GABRG3: variants seen among roughly 807,000 people sequenced by gnomAD.
GABRG3 encodes gamma-aminobutyric acid type A receptor subunit gamma3, also known as gamma-aminobutyric acid receptor subunit gamma-3.
GABRG3 carries 25 observed loss-of-function variants against 48.8 expected under a neutral mutation model. The ratio of observed to expected loss-of-function variants is 0.51; its 90% confidence interval spans 0.37 to 0.72. The LOEUF is 0.72. Ranked by LOEUF, GABRG3 falls within the 30% of genes least tolerant of loss-of-function variation. The pLI, the probability that GABRG3 is intolerant of heterozygous loss-of-function variation, is 0.00. For missense variants in GABRG3, 394 were observed against 577.9 expected (o/e 0.68, Z 3.26); for synonymous variants, 227 against 217.6 (o/e 1.04, Z -0.38).
intron 5 of GABRG3, among the ~76,000 whole-genome samples, chr15:27,407,968 T>C (rs1319382968): frequency 6.6e-6 from 1 of 152,200 alleles, no homozygotes; most frequent in Non-Finnish European, 1.5e-5. Flanking sequence ...ACGGACTTTG[T>C]GTGACAACAA....
intron 3 of GABRG3, among the ~76,000 whole-genome samples, chr15:27,123,011 A>G (rs1897757784): frequency 6.6e-6 from 1 of 152,158 alleles, no homozygotes; most frequent in South Asian, 2.1e-4. Flanking sequence ...GCTGGCAGTG[A>G]TGGTGTGGAG....
chr15:27,187,217 C>T (rs1448940851), intron 3 of GABRG3, among the ~76,000 whole-genome samples: 4 of 152,054 alleles, frequency 2.6e-5, no homozygotes, highest in East Asian at 3.9e-4. Context: ...TTGGCTTTGT[C>T]GAAGATTAAA....
intron 3 of GABRG3, among the ~76,000 whole-genome samples, chr15:27,036,422 G>A (rs1368197497): frequency 6.6e-6 from 1 of 152,206 alleles, no homozygotes; most frequent in African/African-American, 2.4e-5. Context: ...GCCGGGCGCG[G>A]TGGCTCATGC....
At chr15:27,070,266 T>C (rs1896806172) in intron 3 of GABRG3, among the ~76,000 whole-genome samples, 1 of 152,232 alleles carries the variant, frequency 6.6e-6, no homozygotes, top group Admixed American at 6.5e-5. Context: ...CAAATAAGGA[T>C]ATTGCTTCCC....
intron 5 of GABRG3, among the ~76,000 whole-genome samples, chr15:27,408,723 C>G (rs903776738): frequency 1.3e-5 from 2 of 152,118 alleles, no homozygotes; most frequent in East Asian, 1.9e-4. Context: ...CTGCTGAGCC[C>G]TAATTGCCTT....
rs149209330 is a variant in GABRG3, at chr15:27,017,480, T to G, written c.203-9274T>G. 1.8e-3 allele frequency among the ~76,000 whole-genome samples: 281 copies of G among 152,256 alleles called. 1 individual carries two copies. Among genetic ancestry groups the G allele is most frequent in the African/African-American group, 5.7e-3 (236 of 41,550 alleles). On this transcript the variant is annotated intron_variant, in intron 2 of 9. Transcript: ENST00000615808. ...GGTAGAACAAACCCTGTTCATTGCCTCTGTTGTGAGTCCACCAACCTGCCA... is the reference window on the plus strand; with the variant it reads ...GGTAGAACAAACCCTGTTCATTGCCGCTGTTGTGAGTCCACCAACCTGCCA...
At position 27,230,181 on chromosome 15, in the gene GABRG3, T is replaced by C. The variant is rs1284110612; in HGVS notation, c.271-96628T>C. Among the ~76,000 whole-genome samples the C allele has an allele frequency of 2.6e-5, 4 of 152,324 alleles. No individual in the cohort carries two copies. The South Asian group carries it at 8.3e-4, about 32-fold the overall frequency. ...TGGCAATTGTAAATGGGATTGCCTT[T>C]CTGATTTGACTCTCAGTTTGGTTGT... On this transcript the variant is annotated intron_variant, in intron 3 of 9. Coordinates refer to ENST00000615808, the MANE Select transcript of GABRG3 (RefSeq NM_033223.5).
intron 3 of GABRG3, among the ~76,000 whole-genome samples, chr15:27,223,292 CTCTG>C (rs1039548328): frequency 3.9e-5 from 6 of 152,292 alleles, no homozygotes; most frequent in Admixed American, 6.5e-5. Flanking sequence ...AGGCCAGGGA[CTCTG>C]TCTAGGTCCC....
At chr15:27,117,665 T>C (rs1897664778) in intron 3 of GABRG3, among the ~76,000 whole-genome samples, 1 of 152,232 alleles carries the variant, frequency 6.6e-6, no homozygotes, top group Admixed American at 6.5e-5. Context: ...AAAGTTTTTC[T>C]TCATCTGCTA....
Position 27,003,637 on chromosome 15 carries a change from T to C in GABRG3, c.203-23117T>C, listed in dbSNP as rs1020555725. Reference sequence around the variant, plus strand: ...ATGTATACTTCTTTCTACACAGACATGGCAACCATCCGATTTCTCAATCTT... The same window carrying C: ...ATGTATACTTCTTTCTACACAGACACGGCAACCATCCGATTTCTCAATCTT... On this transcript the variant is annotated intron_variant, in intron 2 of 9. Coordinates refer to ENST00000615808, the MANE Select transcript of GABRG3 (RefSeq NM_033223.5). Among the ~76,000 whole-genome samples, 326 of 150,742 alleles carry C rather than the reference T, an allele frequency of 2.2e-3. 2 individuals are homozygous for C. The highest frequency in any genetic ancestry group is 5.5e-3 in the African/African-American group (225 of 40,988).
At chr15:27,450,731 G>GT (rs1169509393) in intron 5 of GABRG3, among the ~76,000 whole-genome samples, 3 of 151,822 alleles carry the variant, frequency 2.0e-5, no homozygotes, top group Non-Finnish European at 4.4e-5. Context: ...AATGTCGGGG[G>GT]TGGGGGGGTG....
At chr15:27,003,652 T>C (rs1319013968) in intron 2 of GABRG3, among the ~76,000 whole-genome samples, 3 of 152,172 alleles carry the variant, frequency 2.0e-5, no homozygotes, top group Admixed American at 6.5e-5. Flanking sequence ...ACCATCCGAT[T>C]TCTCAATCTT....
intron 3 of GABRG3, among the ~76,000 whole-genome samples, chr15:27,307,261 T>TTATGTTTATATATAACCATAGGTTTA (rs1892614487): frequency 2.5e-5 from 1 of 40,118 alleles, no homozygotes; most frequent in African/African-American, 7.9e-5. Context: ...CATGTTCATA[T>TTATGTTTATATATAACCATAGGTTTA]TATATGTTTA....
intron 5 of GABRG3, among the ~76,000 whole-genome samples, chr15:27,461,809 C>G (rs1889458631): frequency 6.6e-6 from 1 of 152,154 alleles, no homozygotes; most frequent in Non-Finnish European, 1.5e-5. Context: ...TCAATTCTCA[C>G]CATGGTTTTG....
At chr15:27,211,285 T>C (rs903705678) in intron 3 of GABRG3, among the ~76,000 whole-genome samples, 1 of 152,138 alleles carries the variant, frequency 6.6e-6, no homozygotes, top group Non-Finnish European at 1.5e-5. Context: ...CTACAAAACA[T>C]TATTATAGAA....
intron 3 of GABRG3, among the ~76,000 whole-genome samples, chr15:27,279,367 G>C (rs1206357444): frequency 6.6e-6 from 1 of 152,036 alleles, no homozygotes; most frequent in African/African-American, 2.4e-5. Context: ...TTTCTCTTAG[G>C]TTTTCTTCTC....
intron 3 of GABRG3, among the ~76,000 whole-genome samples, chr15:27,195,605 C>A (rs1297546839): frequency 1.3e-5 from 2 of 152,082 alleles, no homozygotes; most frequent in Non-Finnish European, 2.9e-5. Flanking sequence ...CCTGGGTGAG[C>A]CACCATGCCT....
chr15:27,484,039 A>G (rs899343920), intron 6 of GABRG3, among the ~76,000 whole-genome samples: 23 of 152,214 alleles, frequency 1.5e-4, no homozygotes, highest in Admixed American at 3.3e-4. Context: ...GGTTCAAGCA[A>G]TTCTCCTGCC....
intron 5 of GABRG3, chr15:27,350,291 G>A: frequency 2.5e-6 from 1 of 407,742 alleles, no homozygotes; most frequent in Non-Finnish European, 5.0e-6. Flanking sequence ...CCACAGAGCT[G>A]GCTGGTGGTT....
Sources: gnomAD v4.1 joint callset for allele counts (sites outside exome capture counted in the v4.1 genomes callset) on GRCh38, gnomAD v4.1.1 for gene constraint, MANE v1.5 for transcripts, NCBI Gene and HGNC (gene_info 2026-07-23, HGNC 2026-07-21) for gene names.